The following ESR1 variants were observed in gnomAD, a reference collection of about 807,000 sequenced individuals.
The protein encoded by ESR1 is estrogen receptor 1, also known as estrogen receptor.
In ESR1, 12 loss-of-function variants were observed where a neutral mutation model predicts 52.7. The observed-to-expected ratio is 0.23, with a 90% CI of 0.15 to 0.37. The LOEUF (loss-of-function observed/expected upper bound fraction) is 0.37, where lower values mean the gene tolerates loss of function less well. Among genes scored for constraint, ESR1 ranks in the 10% least tolerant of loss-of-function variants. The probability of loss-of-function intolerance (pLI) is 1.00; values close to 1 mark genes in which losing one functional copy is unlikely to be tolerated. For synonymous variants in ESR1, 305 were observed against 316.8 expected, an observed-to-expected ratio of 0.96 and a Z score of 0.39; for missense variants, 584 against 779.7, an observed-to-expected ratio of 0.75 and a Z score of 2.99.
rs531801349 is a variant in ESR1 at position 152,090,861 on chromosome 6, A to G, written c.1370-3524A>G. Among the ~76,000 whole-genome samples, 15 of 151,902 alleles carry G rather than the reference A, an allele frequency of 9.9e-5. No homozygotes were observed. The South Asian group carries it at 2.5e-3, about 25-fold the overall frequency. On this transcript the variant is annotated intron_variant, in intron 6 of 7. Coordinates refer to ENST00000206249, the MANE Select transcript of ESR1 (RefSeq NM_000125.4). ...CGTTTGTACCACTCCGTTTCCCCAGACTCTTCCTAAATATCCCCTTATTGG... is the reference window on the plus strand; with the variant it reads ...CGTTTGTACCACTCCGTTTCCCCAGGCTCTTCCTAAATATCCCCTTATTGG...
At chr6:151,684,209 G>A (rs533704148) in intron 1 of ESR1, among the ~76,000 whole-genome samples, 1 of 152,164 alleles carries the variant, frequency 6.6e-6, no homozygotes, top group Non-Finnish European at 1.5e-5. Context: ...CCATGGAGAA[G>A]GTGTGCTTTG....
chr6:151,667,585 G>C (rs958914257), intron 1 of ESR1, among the ~76,000 whole-genome samples: 8 of 152,184 alleles, frequency 5.3e-5, no homozygotes, highest in African/African-American at 1.9e-4. Flanking sequence ...CAGGGATGTT[G>C]CTTGCAAAGA....
At chr6:151,794,564 C>T (rs944290620) in intron 2 of ESR1, among the ~76,000 whole-genome samples, 3 of 151,648 alleles carry the variant, frequency 2.0e-5, no homozygotes, top group African/African-American at 4.8e-5. Context: ...AACAATCTAC[C>T]CGTTATTTAC....
chr6:151,656,906 GGT>G (rs1777474056), intron 1 of ESR1: 1 of 152,166 alleles, frequency 6.6e-6, no homozygotes, highest in South Asian at 2.1e-4. Flanking sequence ...TGTCTCAAAA[GGT>G]GATACCAAGA....
chr6:151,838,896 C>G (rs1399953480), intron 1 of ESR1, among the ~76,000 whole-genome samples: 2 of 152,128 alleles, frequency 1.3e-5, no homozygotes, highest in Non-Finnish European at 2.9e-5. Context: ...TGGCATTTTG[C>G]TGACAGCATA....
At chr6:151,753,319 ATTT>A (rs34402963) in intron 2 of ESR1, among the ~76,000 whole-genome samples, 38 of 137,322 alleles carry the variant, frequency 2.8e-4, no homozygotes, top group Non-Finnish European at 3.0e-4. Flanking sequence ...ATTTGATTGC[ATTT>A]TTTTTTTTTT....
chr6:151,912,673 A>G (rs9340881), intron 3 of ESR1, among the ~76,000 whole-genome samples: 3,013 of 152,328 alleles, frequency 0.02, 58 homozygotes, highest in East Asian at 0.098. Context: ...GATATCAGGA[A>G]CAATAAGAGC....
At chr6:152,107,283 T>C (rs570791399), downstream of ESR1, among the ~76,000 whole-genome samples, 16 of 152,322 alleles carry the variant, frequency 1.1e-4, no homozygotes, top group Non-Finnish European at 1.8e-4. Context: ...TTTATTTATT[T>C]TCTTTTGCCT....
chr6:151,835,909 A>G (rs901101559), intron 1 of ESR1, among the ~76,000 whole-genome samples: 2 of 152,162 alleles, frequency 1.3e-5, no homozygotes, highest in Admixed American at 1.3e-4. Context: ...TGTTTTTTAC[A>G]TTCTCAAACA....
intron 4 of ESR1, among the ~76,000 whole-genome samples, chr6:151,996,208 T>C (rs539454826): frequency 6.6e-6 from 1 of 152,288 alleles, no homozygotes; most frequent in African/African-American, 2.4e-5. Flanking sequence ...CCTCCTGCTG[T>C]GGTCACCAAG....
At chr6:151,942,245 C>T (rs9340894) in intron 3 of ESR1, among the ~76,000 whole-genome samples, 24,541 of 152,118 alleles carry the variant, frequency 0.16, 2,881 homozygotes, top group African/African-American at 0.33. Context: ...TTAGTACCTA[C>T]GTAATGTCCT....
rs568649073 is a variant in ESR1, at chr6:152,032,513, C to A, written c.1235+20719C>A. Reference sequence around the variant, plus strand: ...ACACCAATAACAGACAAACAGAGAGCCAAATCATGAGTGAACTTCCATTCA... The same window carrying A: ...ACACCAATAACAGACAAACAGAGAGACAAATCATGAGTGAACTTCCATTCA... On this transcript the variant is annotated intron_variant, in intron 5 of 7. Transcript: ENST00000206249. 2.6e-5 allele frequency among the ~76,000 whole-genome samples: 4 copies of A among 152,144 alleles called. No homozygotes were observed. In the South Asian group the frequency reaches 8.3e-4, roughly 32 times the overall value.
intron 3 of ESR1, among the ~76,000 whole-genome samples, chr6:151,913,538 A>G (rs560213729): frequency 1.3e-5 from 2 of 152,252 alleles, no homozygotes; most frequent in South Asian, 4.1e-4. Context: ...AATTTAACTG[A>G]TATCCTTGAC....
At chr6:152,080,958 C>G (rs555334888) in intron 6 of ESR1, among the ~76,000 whole-genome samples, 1 of 152,172 alleles carries the variant, frequency 6.6e-6, no homozygotes, top group Non-Finnish European at 1.5e-5. Flanking sequence ...TACAGGAGCA[C>G]CCAGATTCAT....
chr6:152,062,331 A>G (rs182931403), intron 6 of ESR1, among the ~76,000 whole-genome samples: 2 of 152,058 alleles, frequency 1.3e-5, no homozygotes, highest in East Asian at 3.9e-4. Flanking sequence ...CCCACCTCCC[A>G]TGACAATTTT....
intron 1 of ESR1, among the ~76,000 whole-genome samples, chr6:151,841,568 T>G (rs1294081705): frequency 6.6e-6 from 1 of 152,218 alleles, no homozygotes; most frequent in Non-Finnish European, 1.5e-5. Flanking sequence ...ATTTTCAGCT[T>G]CCTTTCTGTG....
intron 2 of ESR1, among the ~76,000 whole-genome samples, chr6:151,878,714 A>G (rs370172016): frequency 3.9e-5 from 6 of 152,360 alleles, no homozygotes; most frequent in African/African-American, 7.2e-5. Context: ...AATGAGAACC[A>G]TGTTTTACAA....
At chr6:151,825,844 G>A (rs565028369) in intron 1 of ESR1, among the ~76,000 whole-genome samples, 1 of 150,618 alleles carries the variant, frequency 6.6e-6, no homozygotes, top group Admixed American at 6.6e-5. Context: ...CCAGGAGGTG[G>A]AGGTTGCAGT....
At chr6:151,689,185 A>G (rs1218572095), upstream of ESR1, among the ~76,000 whole-genome samples, 1 of 151,960 alleles carries the variant, frequency 6.6e-6, no homozygotes, top group Non-Finnish European at 1.5e-5. Flanking sequence ...AGCATACTTC[A>G]CCCATTCTGG....
Sources: gnomAD v4.1 joint callset for allele counts (sites outside exome capture counted in the v4.1 genomes callset) on GRCh38, gnomAD v4.1.1 for gene constraint, MANE v1.5 for transcripts, NCBI Gene and HGNC (gene_info 2026-07-23, HGNC 2026-07-21) for gene names.